HS3ST4: variants seen among roughly 807,000 people sequenced by gnomAD.
HS3ST4 encodes heparan sulfate glucosamine 3-O-sulfotransferase 4.
In HS3ST4, 17 loss-of-function variants were observed where a neutral mutation model predicts 29.2. The observed-to-expected ratio is 0.58, with a 90% confidence interval of 0.40 to 0.87. The LOEUF (loss-of-function observed/expected upper bound fraction) is 0.87, where lower values mean the gene tolerates loss of function less well. Ranked by LOEUF, HS3ST4 falls within the 40% of genes least tolerant of loss-of-function variation. The pLI is 0.00. For synonymous variants in HS3ST4, 314 were observed against 285.7 expected, an observed-to-expected ratio of 1.10 and a Z score of -1.00; for missense variants, 627 against 634.5, an observed-to-expected ratio of 0.99 and a Z score of 0.13.
intron 1 of HS3ST4, among the ~76,000 whole-genome samples, chr16:25,788,124 A>T (rs1271367964): frequency 6.6e-6 from 1 of 152,188 alleles, no homozygotes; most frequent in Non-Finnish European, 1.5e-5. Flanking sequence ...TTCTCACAAA[A>T]GATGCCAGGC....
chr16:25,911,513 T>G (rs888920883), intron 1 of HS3ST4, among the ~76,000 whole-genome samples: 17 of 144,022 alleles, frequency 1.2e-4, no homozygotes, highest in East Asian at 4.0e-4. Flanking sequence ...TTTTTTTTTT[T>G]TTTTTTTTTT....
At chr16:25,853,380 G>A (rs1967541330) in intron 1 of HS3ST4, among the ~76,000 whole-genome samples, 1 of 151,830 alleles carries the variant, frequency 6.6e-6, no homozygotes, top group African/African-American at 2.4e-5. Context: ...CAATTTGGAT[G>A]CGTTTAATTT....
intron 1 of HS3ST4, among the ~76,000 whole-genome samples, chr16:25,821,870 C>T (rs948339683): frequency 6.6e-6 from 1 of 152,110 alleles, no homozygotes; most frequent in Admixed American, 6.5e-5. Flanking sequence ...GATCGTGCCA[C>T]TACCCTCTAG....
chr16:25,836,733 A>G (rs925657049), intron 1 of HS3ST4, among the ~76,000 whole-genome samples: 2 of 152,226 alleles, frequency 1.3e-5, no homozygotes, highest in Admixed American at 6.5e-5. Flanking sequence ...CAGAGGCACT[A>G]TGGACTATAA....
At chr16:26,005,885 C>G (rs1969253495) in intron 1 of HS3ST4, among the ~76,000 whole-genome samples, 1 of 152,100 alleles carries the variant, frequency 6.6e-6, no homozygotes, top group African/African-American at 2.4e-5. Flanking sequence ...TTAGAAGCAT[C>G]CCTGGCCAGA....
At chr16:26,130,198 T>G (rs894056339) in intron 1 of HS3ST4, among the ~76,000 whole-genome samples, 3 of 152,190 alleles carry the variant, frequency 2.0e-5, no homozygotes, top group Non-Finnish European at 4.4e-5. Flanking sequence ...GTGTTGACGC[T>G]GATGTCACGG....
Position 25,994,583 on chromosome 16 carries a change from G to T in HS3ST4, c.735-141029G>T, listed in dbSNP as rs1345659513. Among the ~76,000 whole-genome samples, 3 of 152,074 alleles carry T rather than the reference G, an allele frequency of 2.0e-5. No homozygotes were observed. In the East Asian group the frequency reaches 5.8e-4, roughly 29 times the overall value. On this transcript the variant is annotated intron_variant, in intron 1 of 1. Transcript: ENST00000331351. Reference sequence around the variant, plus strand: ...TATTTATTTTTTAAGAAGTATTTATGTCTTTAAATATGTTATTTGTTTTTA... The same window carrying T: ...TATTTATTTTTTAAGAAGTATTTATTTCTTTAAATATGTTATTTGTTTTTA...
intron 1 of HS3ST4, among the ~76,000 whole-genome samples, chr16:25,858,246 C>A (rs1308594125): frequency 1.3e-5 from 2 of 151,904 alleles, no homozygotes; most frequent in Non-Finnish European, 2.9e-5. Context: ...AACTTGCATG[C>A]ACATATATAA....
chr16:26,115,581 A>G (rs77552203), intron 1 of HS3ST4, among the ~76,000 whole-genome samples: 4,555 of 152,178 alleles, frequency 0.03, 150 homozygotes, highest in East Asian at 0.19. Context: ...TGGAAAAAGA[A>G]ATATTTTATT....
intron 1 of HS3ST4, among the ~76,000 whole-genome samples, chr16:25,954,916 A>T (rs770854597): frequency 3.3e-5 from 5 of 152,244 alleles, no homozygotes. Flanking sequence ...GCCTGGGATG[A>T]GAGAGACCAA....
intron 1 of HS3ST4, among the ~76,000 whole-genome samples, chr16:25,747,260 G>A (rs1966690992): frequency 6.6e-6 from 1 of 152,182 alleles, no homozygotes; most frequent in Non-Finnish European, 1.5e-5. Flanking sequence ...TCTTTCCATA[G>A]ATTTCTAGCC....
At chr16:25,727,210 A>G (rs915967454) in intron 1 of HS3ST4, among the ~76,000 whole-genome samples, 5 of 152,232 alleles carry the variant, frequency 3.3e-5, no homozygotes, top group African/African-American at 1.2e-4. Context: ...TTTATTATTA[A>G]TAGCAAAAGA....
chr16:25,943,859 G>A (rs1171186205), intron 1 of HS3ST4, among the ~76,000 whole-genome samples: 3 of 152,232 alleles, frequency 2.0e-5, no homozygotes, highest in South Asian at 2.1e-4. Context: ...TTTCTGCTTC[G>A]TGGCTTGTTT....
At chr16:26,104,460 G>T (rs1303547912) in intron 1 of HS3ST4, among the ~76,000 whole-genome samples, 2 of 152,110 alleles carry the variant, frequency 1.3e-5, no homozygotes, top group African/African-American at 2.4e-5. Context: ...AGAATTATGT[G>T]CTGGTTCCAC....
chr16:25,818,579 C>T (rs571331052), intron 1 of HS3ST4, among the ~76,000 whole-genome samples: 1 of 152,240 alleles, frequency 6.6e-6, no homozygotes, highest in African/African-American at 2.4e-5. Flanking sequence ...TTCTTGCTGG[C>T]CAAGGAGAGA....
intron 1 of HS3ST4, among the ~76,000 whole-genome samples, chr16:25,989,016 G>C (rs1043915426): frequency 6.6e-6 from 1 of 152,168 alleles, no homozygotes. Flanking sequence ...CAGAATGAAA[G>C]CTCCACTGGT....
chr16:25,829,972 C>T (rs997656588), intron 1 of HS3ST4, among the ~76,000 whole-genome samples: 2 of 152,052 alleles, frequency 1.3e-5, no homozygotes, highest in Non-Finnish European at 2.9e-5. Context: ...TACAGGCACA[C>T]ACCACCACGC....
At chr16:26,109,605 T>G (rs1050229005) in intron 1 of HS3ST4, among the ~76,000 whole-genome samples, 12 of 152,052 alleles carry the variant, frequency 7.9e-5, no homozygotes, top group Non-Finnish European at 1.5e-5. Context: ...ATCTATGAGA[T>G]CAACACAGCC....
At chr16:26,001,583 T>TA (rs1401145120) in intron 1 of HS3ST4, among the ~76,000 whole-genome samples, 1 of 152,206 alleles carries the variant, frequency 6.6e-6, no homozygotes, top group African/African-American at 2.4e-5. Context: ...AATATGTTTT[T>TA]AAGTCTGTTT....
Sources: allele counts gnomAD v4.1 joint callset (sites outside exome capture counted in the v4.1 genomes callset), GRCh38; gene constraint gnomAD v4.1.1; transcripts MANE v1.5; gene names NCBI Gene and HGNC (gene_info 2026-07-23, HGNC 2026-07-21).